The following MYH7 variants were observed in gnomAD, a reference collection of about 807,000 sequenced individuals.
MYH7 encodes myosin-7.
A neutral mutation model predicts 225.4 loss-of-function variants in MYH7; 129 were observed. That is an observed-to-expected ratio of 0.57 (90% CI 0.50 to 0.66). The LOEUF is 0.66. Among genes scored for constraint, MYH7 ranks in the 30% least tolerant of loss-of-function variants. The probability of loss-of-function intolerance (pLI) is 0.00; values close to 1 mark genes in which losing one functional copy is unlikely to be tolerated. For missense variants in MYH7, 1,649 were observed against 2,517.0 expected, an observed-to-expected ratio of 0.66 and a Z score of 7.38; for synonymous variants, 971 against 1,007.6, an observed-to-expected ratio of 0.96 and a Z score of 0.69.
In MYH7 at chr14:23,413,883, G is replaced by C; in HGVS notation, c.5666C>G (p.Ala1889Gly). ...KRQAEEAEEQ[A>G]NTNLSKFRKV... ...GCGGAACTTGGACAGGTTGGTGTTG[G>C]CTTGCTCCTCCTGCGGGAGGTGGGA... The change falls in exon 39 of 40, where the codon GCC (alanine) becomes GGC (glycine). Residue 1889 changes from alanine to glycine, a missense_variant. Coordinates refer to ENST00000355349, the MANE Select transcript of MYH7 (RefSeq NM_000257.4). The C allele has an allele frequency of 1.2e-6, 2 of 1,614,256 alleles. No homozygotes were observed. Among genetic ancestry groups the C allele is most frequent in the Non-Finnish European group, 1.7e-6 (2 of 1,180,046 alleles).
At position 23,432,634 on chromosome 14, in the gene MYH7, C is replaced by T; in HGVS notation, c.502+5G>A. On this transcript the variant is annotated splice_donor_5th_base_variant and intron_variant, in intron 5 of 39. Transcript: ENST00000355349. ...CTTCAGGAAGACCCTTCCAGGGCCTCTCACCTGTCAGCATGTACTGATAGG... is the reference window on the plus strand; with the variant it reads ...CTTCAGGAAGACCCTTCCAGGGCCTTTCACCTGTCAGCATGTACTGATAGG... The T allele has an allele frequency of 6.2e-7, 1 of 1,614,146 alleles. No homozygotes were observed. Among genetic ancestry groups the T allele is most frequent in the Non-Finnish European group, 8.5e-7 (1 of 1,180,036 alleles).
At chr14:23,420,264 C>T (rs1449124875) in intron 26 of MYH7, 30 bp from the exon 27 acceptor site, 6 of 1,604,328 alleles carry the variant, frequency 3.7e-6, no homozygotes, top group South Asian at 1.1e-5. Context: ...TCAGACCCAC[C>T]GCCTGGACCC....
chr14:23,427,007 G>A, intron 17 of MYH7, 143 bp from the exon 18 acceptor site: 2 of 861,412 alleles, frequency 2.3e-6, no homozygotes, highest in South Asian at 2.9e-5. Context: ...GGCAGACAGG[G>A]ATAAGGAGAG....
intron 2 of MYH7, 95 bp downstream of exon 2, chr14:23,434,099 G>T: frequency 1.2e-6 from 1 of 808,884 alleles, no homozygotes; most frequent in Non-Finnish European, 1.6e-6. Context: ...ATTCTCTCCA[G>T]CACATGGCAG....
chr14:23,425,123 C>T lies in MYH7; in HGVS notation c.2424-99G>A. On this transcript the variant is annotated intron_variant, in intron 21 of 39. Coordinates refer to ENST00000355349, the MANE Select transcript of MYH7 (RefSeq NM_000257.4). This position sits in a 1 kb window ranked among gnomAD's most constrained non-coding sequence, Gnocchi z 4.6. ...ATCCCATTTCCTTCATCCCTCCCACCCTTCCTGAGGCCTCTGACCCTGTGA... is the reference window on the plus strand; with the variant it reads ...ATCCCATTTCCTTCATCCCTCCCACTCTTCCTGAGGCCTCTGACCCTGTGA... 18 of 1,606,316 alleles carry T rather than the reference C, an allele frequency of 1.1e-5. No homozygotes were observed. The highest frequency in any genetic ancestry group is 1.5e-5 in the Non-Finnish European group (18 of 1,174,596).
intron 18 of MYH7, among the ~76,000 whole-genome samples, 158 bp downstream of exon 18, chr14:23,426,619 G>C (rs569116646): frequency 6.6e-6 from 1 of 152,194 alleles, no homozygotes; most frequent in Non-Finnish European, 1.5e-5. Context: ...GCAAGGTAGC[G>C]CTGAGAGGGA....
Position 23,424,934 on chromosome 14 carries a change from C to T in MYH7, c.2514G>A (p.Pro838=), listed in dbSNP as rs45560638. Reference sequence around the variant, plus strand: ...TCTCTCTTTCTGCACTCTTCAGCAGCGGCTTGATCTTGAAGTAGAGCTTCA... The same window carrying T: ...TCTCTCTTTCTGCACTCTTCAGCAGTGGCTTGATCTTGAAGTAGAGCTTCA... The part of the protein sequence containing the change: ...PWMKLYFKIK[P]LLKSAEREKE... The change falls in exon 22 of 40, where the codon CCG becomes CCA. Residue 838 remains proline, a synonymous_variant. Coordinates refer to ENST00000355349, the MANE Select transcript of MYH7 (RefSeq NM_000257.4). 235 of 1,614,202 alleles carry T rather than the reference C, an allele frequency of 1.5e-4. No individual in the cohort carries two copies. In the African/African-American group the frequency reaches 1.8e-3, roughly 12 times the overall value.
chr14:23,431,704 G>T (rs770982684), intron 7 of MYH7, 27 bp from the exon 8 acceptor site: 1 of 1,614,162 alleles, frequency 6.2e-7, no homozygotes, highest in East Asian at 2.2e-5. Flanking sequence ...GGAGGCAGGT[G>T]AGAGCTCTTC....
chr14:23,416,583 A>AG (rs1320596045), intron 33 of MYH7, among the ~76,000 whole-genome samples: 1 of 152,248 alleles, frequency 6.6e-6, no homozygotes, highest in Non-Finnish European at 1.5e-5. Flanking sequence ...AATCAGGTAT[A>AG]GAGTATAAAA....
In MYH7 at chr14:23,415,490, T is replaced by G; in HGVS notation, c.5174A>C (p.Asn1725Thr). Residue 1725 changes from asparagine to threonine, a missense_variant, in exon 36 of 40, where the codon AAC becomes ACC. By Grantham distance (65) the Asn-to-Thr change is moderately conservative. Transcript: ENST00000355349. This position sits in a 1 kb window ranked among gnomAD's most constrained non-coding sequence, Gnocchi z 6.3. ...LLHSQNTSLI[N>T]QKKKMDADLS... ...GTCAGCATCCATCTTCTTCTTCTGG[T>G]TGATGAGGCTGGTGTTCTGGGTTGG... 1 of 1,614,236 alleles carries G rather than the reference T, an allele frequency of 6.2e-7. No homozygotes were observed. The highest frequency in any genetic ancestry group is 8.5e-7 in the Non-Finnish European group (1 of 1,180,046).
intron 9 of MYH7, 95 bp from the exon 10 acceptor site, chr14:23,431,094 G>T: frequency 1.1e-6 from 1 of 918,000 alleles, no homozygotes; most frequent in Non-Finnish European, 1.8e-6. Flanking sequence ...AAGGCAGAGG[G>T]AAGGGAAGAG....
Position 23,427,683 on chromosome 14 carries a change from T to C in MYH7, c.1790A>G (p.Asn597Ser). ...DYNIIGWLQK[N>S]KDPLNETVVG... ...GACAGTCTCATTGAGAGGATCCTTG[T>C]TCTTCTGCAGCCAGCCAATGATGTT... is the stretch of plus-strand genomic sequence containing the variant. The change falls in exon 16 of 40, where the codon AAC becomes AGC. Residue 597 changes from asparagine to serine, a missense_variant. This residue lies in a region of MYH7 where 112 missense variants were observed against 161.9 expected (regional missense o/e 0.69). Transcript: ENST00000355349. The C allele has an allele frequency of 6.2e-7, 1 of 1,614,212 alleles. No homozygotes were observed. The highest frequency in any genetic ancestry group is 8.5e-7 in the Non-Finnish European group (1 of 1,180,036).
chr14:23,432,557 C>A, intron 5 of MYH7, 51 bp from the exon 6 acceptor site: 2 of 1,614,106 alleles, frequency 1.2e-6, no homozygotes, highest in Non-Finnish European at 1.7e-6. Flanking sequence ...AGGATGCTCT[C>A]GTGGGGCTTC....
Position 23,418,334 on chromosome 14 carries a change from C to A in MYH7, c.4045G>T (p.Glu1349Ter). ...DCDLLREQYE[E>*]ETEAKAELQR... is the part of the protein sequence containing the mutation. ...AGCTCGGCCTTGGCCTCCGTCTCCT[C>A]CTCGTACTGCTCCCGCAGCAGGTCG... The change falls in exon 30 of 40, where the codon GAG (glutamate) becomes TAG (stop). Residue 1349 changes from glutamate (E) to a stop codon, truncating the protein, a stop_gained. Transcript: ENST00000355349. LOFTEE classifies it high-confidence loss of function. The A allele has an allele frequency of 1.9e-6, 3 of 1,613,984 alleles. No homozygotes were observed. The highest frequency in any genetic ancestry group is 2.5e-6 in the Non-Finnish European group (3 of 1,180,044).
intron 17 of MYH7, 119 bp downstream of exon 17, chr14:23,427,121 G>A (rs1310471998): frequency 6.9e-6 from 7 of 1,011,948 alleles, no homozygotes; most frequent in Admixed American, 3.8e-5. Flanking sequence ...AAATGGTCCC[G>A]AATGCACCAA....
chr14:23,434,979 A>C (rs1893086368), intron 1 of MYH7, among the ~76,000 whole-genome samples: 1 of 151,870 alleles, frequency 6.6e-6, no homozygotes, highest in Non-Finnish European at 1.5e-5. Context: ...TCAACAGCAA[A>C]TGTGCACATT....
In MYH7 at chr14:23,427,572, A is replaced by G; in HGVS notation, c.1888+13T>C. Reference sequence around the variant, plus strand: ...CCTGCTCCTCTGTACCGGGAGCCTCAGTCCCTACTTACGCGCATCAGCCCC... The same window carrying G: ...CCTGCTCCTCTGTACCGGGAGCCTCGGTCCCTACTTACGCGCATCAGCCCC... On this transcript the variant is annotated intron_variant, in intron 16 of 39. Transcript: ENST00000355349. The G allele has an allele frequency of 6.2e-7, 1 of 1,613,822 alleles. No individual in the cohort carries two copies. Among genetic ancestry groups the G allele is most frequent in the South Asian group, 1.1e-5 (1 of 91,026 alleles).
In MYH7 at chr14:23,429,930, T is replaced by C. The variant is rs765837145; in HGVS notation, c.1000-17A>G. ...AAAAGCGTTCTGTAGGGAGGCCCCATATTGGCGGACCCCAGAAAAAGAAGT... is the reference window on the plus strand; with the variant it reads ...AAAAGCGTTCTGTAGGGAGGCCCCACATTGGCGGACCCCAGAAAAAGAAGT... On this transcript the variant is annotated splice_polypyrimidine_tract_variant and intron_variant, in intron 11 of 39. Coordinates refer to ENST00000355349, the MANE Select transcript of MYH7 (RefSeq NM_000257.4). 6.2e-7 allele frequency: 1 copy of C among 1,613,740 alleles called. No homozygotes were observed. Among genetic ancestry groups the C allele is most frequent in the East Asian group, 2.2e-5 (1 of 44,876 alleles).
In MYH7 at chr14:23,429,873, T is replaced by C; in HGVS notation, c.1040A>G (p.Asn347Ser). ...DVLGFTSEEK[N>S]SMYKLTGAIM... ...GGCGCCTGTCAGCTTATACATGGAG[T>C]TTTTCTCCTCTGAAGTGAAGCCCAG... The change falls in exon 12 of 40, where the codon AAC (asparagine) becomes AGC (serine). Residue 347 changes from asparagine (N) to serine (S), a missense_variant. Physicochemically the swap from Asn to Ser is conservative, Grantham distance 46. This residue lies in a region of MYH7 where 131 missense variants were observed against 231.3 expected (regional missense o/e 0.57). Coordinates refer to ENST00000355349, the MANE Select transcript of MYH7 (RefSeq NM_000257.4). 1.9e-6 allele frequency: 3 copies of C among 1,613,684 alleles called. No individual in the cohort carries two copies. The highest frequency in any genetic ancestry group is 2.5e-6 in the Non-Finnish European group (3 of 1,179,940).
Sources: allele counts gnomAD v4.1 joint callset (sites outside exome capture counted in the v4.1 genomes callset), GRCh38; gene constraint gnomAD v4.1.1; regional missense constraint gnomAD v4.1.1; non-coding constraint Gnocchi (gnomAD v3.1); transcripts MANE v1.5; gene names NCBI Gene and HGNC (gene_info 2026-07-23, HGNC 2026-07-21).